Variants in PHIP observed in about 807,000 individuals in gnomAD.
The protein encoded by PHIP is PH-interacting protein.
PHIP carries 54 observed loss-of-function variants against 236.8 expected under a neutral mutation model. The ratio of observed to expected loss-of-function variants is 0.23; its 90% confidence interval spans 0.18 to 0.29. The LOEUF is 0.29. Ranked by LOEUF, PHIP falls within the 10% of genes least tolerant of loss-of-function variation. The pLI is 1.00. For missense variants in PHIP, 1,370 were observed against 2,190.8 expected (o/e 0.63, Z 7.48); for synonymous variants, 756 against 718.9 (o/e 1.05, Z -0.83).
intron 31 of PHIP, among the ~76,000 whole-genome samples, chr6:78,959,525 A>G (rs1766632086): frequency 6.6e-6 from 1 of 152,168 alleles, no homozygotes; most frequent in African/African-American, 2.4e-5. Flanking sequence ...AAGTTTCACG[A>G]AAGAAAAACA....
At chr6:79,044,970 T>C (rs1772405806) in intron 6 of PHIP, among the ~76,000 whole-genome samples, 1 of 152,158 alleles carries the variant, frequency 6.6e-6, no homozygotes, top group Admixed American at 6.6e-5. Context: ...AAAAAAAGAA[T>C]AACCTTTTCA....
intron 4 of PHIP, among the ~76,000 whole-genome samples, chr6:79,076,212 C>T (rs544806619): frequency 6.6e-6 from 1 of 152,300 alleles, no homozygotes; most frequent in East Asian, 1.9e-4. Context: ...AAATACACTA[C>T]ATACCAAAAA....
chr6:79,049,074 C>CTT (rs759656243), intron 6 of PHIP, among the ~76,000 whole-genome samples: 4 of 145,058 alleles, frequency 2.8e-5, no homozygotes, highest in Non-Finnish European at 4.6e-5. Flanking sequence ...ACTAGTTTTA[C>CTT]TTTTTTTTTT....
intron 4 of PHIP, among the ~76,000 whole-genome samples, chr6:79,074,460 C>CA (rs1217203552): frequency 1.3e-5 from 2 of 151,680 alleles, no homozygotes; most frequent in East Asian, 3.9e-4. Context: ...TCCTTTCGTC[C>CA]AAAAAAAGTT....
chr6:79,034,294 C>T (rs1210495653), intron 7 of PHIP, among the ~76,000 whole-genome samples: 1 of 152,124 alleles, frequency 6.6e-6, no homozygotes, highest in Non-Finnish European at 1.5e-5. Flanking sequence ...TTCATAAAGC[C>T]TAGGCAGTGT....
In PHIP at chr6:78,938,300, A is replaced by G. The variant is rs1368190001; in HGVS notation, c.*2393T>C. On this transcript the variant is annotated 3_prime_UTR_variant, in exon 40 of 40. Transcript: ENST00000275034. ...AGTGTCTGTAGAACAGGAATAATAC[A>G]TTTACATGTTATAGGAAAGATGGTA... The G allele has an allele frequency of 1.3e-5, 2 of 151,658 alleles. No individual in the cohort carries two copies. The highest frequency in any genetic ancestry group is 3.8e-4 in the East Asian group (2 of 5,202). 9.4% of individuals were successfully genotyped at this position (151,658 alleles called of 1,614,324 possible).
intron 26 of PHIP, 57 bp from the exon 27 acceptor site, chr6:78,969,974 T>A (rs1767417227): frequency 6.3e-7 from 1 of 1,580,052 alleles, no homozygotes; most frequent in South Asian, 1.1e-5. Context: ...ACCTAAAAGA[T>A]GTTCAAATGT....
Position 78,946,851 on chromosome 6 carries a change from C to T in PHIP, c.4230G>A (p.Leu1410=), listed in dbSNP as rs767896157. 1.3e-6 allele frequency: 2 copies of T among 1,570,308 alleles called. No homozygotes were observed. Among genetic ancestry groups the T allele is most frequent in the Non-Finnish European group, 1.7e-6 (2 of 1,164,558 alleles). Residue 1410 remains leucine, a synonymous_variant, in exon 37 of 40, where the codon CTG becomes CTA. Coordinates refer to ENST00000275034, the MANE Select transcript of PHIP (RefSeq NM_017934.7). ...TAATGTGTTCTTCAAAGAAAGCAGA[C>T]AGGCGCAAACTCATGCTGTAAATCT... ...RSRIYSMSLR[L]SAFFEEHISS... is the part of the protein sequence containing the mutation.
intron 6 of PHIP, among the ~76,000 whole-genome samples, chr6:79,044,924 G>A (rs1174785571): frequency 6.6e-6 from 1 of 151,974 alleles, no homozygotes; most frequent in African/African-American, 2.4e-5. Flanking sequence ...GACCTAAACT[G>A]GGATTAAATC....
intron 6 of PHIP, among the ~76,000 whole-genome samples, chr6:79,058,540 A>G (rs1197048668): frequency 6.6e-6 from 1 of 152,128 alleles, no homozygotes; most frequent in African/African-American, 2.4e-5. Flanking sequence ...AGCATAATGG[A>G]GTCAAACAGT....
chr6:79,049,377 C>G (rs1196920909), intron 6 of PHIP, among the ~76,000 whole-genome samples: 1 of 152,058 alleles, frequency 6.6e-6, no homozygotes, highest in East Asian at 1.9e-4. Flanking sequence ...TAGTTTTATT[C>G]TGTGATTCTA....
At position 78,945,992 on chromosome 6, in the gene PHIP, G is replaced by A. The variant is rs1370955102; in HGVS notation, c.4630+9C>T. ...TCATATACATTTCAATTTAGAAAGT[G>A]AGTCTTACTTGTTTTCCCTGGTATT... On this transcript the variant is annotated intron_variant, in intron 38 of 39. Coordinates refer to ENST00000275034, the MANE Select transcript of PHIP (RefSeq NM_017934.7). 1 of 1,587,236 alleles carries A rather than the reference G, an allele frequency of 6.3e-7. No individual in the cohort carries two copies. Among genetic ancestry groups the A allele is most frequent in the Admixed American group, 1.7e-5 (1 of 59,566 alleles).
intron 27 of PHIP, among the ~76,000 whole-genome samples, chr6:78,967,315 A>G (rs1466292592): frequency 6.6e-6 from 1 of 152,178 alleles, no homozygotes; most frequent in Non-Finnish European, 1.5e-5. Context: ...GTTTAATAAG[A>G]AGCATTCTTG....
chr6:78,955,552 A>G (rs1413492034), intron 33 of PHIP, 61 bp downstream of exon 33: 2 of 634,688 alleles, frequency 3.2e-6, no homozygotes, highest in African/African-American at 3.8e-5. Context: ...GAAAACTACA[A>G]TATGTAAATT....
rs185710637 is a variant in PHIP at position 79,046,890 on chromosome 6, T to G, written c.440-3887A>C. 2.0e-3 allele frequency among the ~76,000 whole-genome samples: 292 copies of G among 145,380 alleles called. 4 individuals carry two copies. Among genetic ancestry groups the G allele is most frequent in the African/African-American group, 7.1e-3 (277 of 39,070 alleles). ...GACTCCATCTCAAACAACAACAAATTAGGTTTAAGAATTAAAAAAAAAAAA... is the reference window on the plus strand; with the variant it reads ...GACTCCATCTCAAACAACAACAAATGAGGTTTAAGAATTAAAAAAAAAAAA... On this transcript the variant is annotated intron_variant, in intron 6 of 39. Coordinates refer to ENST00000275034, the MANE Select transcript of PHIP (RefSeq NM_017934.7).
At chr6:79,073,578 T>C (rs1015480132) in intron 4 of PHIP, among the ~76,000 whole-genome samples, 19 of 152,272 alleles carry the variant, frequency 1.2e-4, no homozygotes, top group African/African-American at 3.8e-4. Context: ...CTTTTTTTTT[T>C]CCCTGAAAGT....
rs1191625388 is a variant in PHIP, at chr6:79,036,814, G to A, written c.600+6029C>T. Among the ~76,000 whole-genome samples, 6 of 151,336 alleles carry A rather than the reference G, an allele frequency of 4.0e-5. No individual in the cohort carries two copies. In the South Asian group the frequency reaches 6.3e-4, roughly 16 times the overall value. ...TGGGTGCCTGTAATGCCAGCTACTC[G>A]GGAGGCTGAGGCAGAAGAATGGCAT... is the stretch of plus-strand genomic sequence containing the variant. On this transcript the variant is annotated intron_variant, in intron 7 of 39. Coordinates refer to ENST00000275034, the MANE Select transcript of PHIP (RefSeq NM_017934.7).
chr6:79,035,946 T>G (rs1771909902), intron 7 of PHIP, among the ~76,000 whole-genome samples: 1 of 152,190 alleles, frequency 6.6e-6, no homozygotes, highest in Non-Finnish European at 1.5e-5. Flanking sequence ...TATTCATCTA[T>G]ACCACCAATG....
intron 19 of PHIP, among the ~76,000 whole-genome samples, chr6:78,995,651 T>C (rs1368337966): frequency 1.3e-5 from 2 of 152,244 alleles, no homozygotes; most frequent in African/African-American, 4.8e-5. Context: ...ATGTGCTTAT[T>C]TGTCATCTAT....
Sources: allele counts gnomAD v4.1 joint callset (sites outside exome capture counted in the v4.1 genomes callset), GRCh38; gene constraint gnomAD v4.1.1; transcripts MANE v1.5; gene names NCBI Gene and HGNC (gene_info 2026-07-23, HGNC 2026-07-21).